The following OSBPL10 variants were observed in gnomAD, a reference collection of about 807,000 sequenced individuals.
OSBPL10 encodes oxysterol-binding protein-related protein 10.
A neutral mutation model predicts 81.7 loss-of-function variants in OSBPL10; 49 were observed. The observed-to-expected ratio is 0.60, with a 90% CI of 0.48 to 0.76. The LOEUF is 0.76. OSBPL10 is among the 30% of genes least tolerant of loss of function. The pLI, the probability that OSBPL10 is intolerant of heterozygous loss-of-function variation, is 0.00. For synonymous variants in OSBPL10, 419 were observed against 383.6 expected (o/e 1.09, Z -1.08); for missense variants, 923 against 987.8 (o/e 0.93, Z 0.88).
chr3:32,026,050 A>AGAT (rs879924375), intron 2 of OSBPL10, among the ~76,000 whole-genome samples: 1,863 of 115,544 alleles, frequency 0.016, 14 homozygotes, highest in East Asian at 0.036. Context: ...ATAGATAGAT[A>AGAT]GATAGATGAT....
rs1699718076 is a variant in OSBPL10, at chr3:31,812,723, AAAGAAAGAAAG to A, written c.729+17306_729+17316del. 3.0e-3 allele frequency among the ~76,000 whole-genome samples: 116 copies of A among 39,262 alleles called. 2 individuals are homozygous for A. Among genetic ancestry groups the A allele is most frequent in the South Asian group, 6.5e-3 (5 of 774 alleles). 25.8% of individuals were successfully genotyped at this position (39,262 alleles called of 152,430 possible). ...CTCTACACAGTAGGCAAAAAAAAAG[AAAGAAAGAAAG>A]AAAGAAAGAAAGAAAGAAAGAAAGA... On this transcript the variant is annotated intron_variant, in intron 4 of 11. Transcript: ENST00000396556.
intron 1 of OSBPL10, among the ~76,000 whole-genome samples, chr3:31,965,237 G>C (rs928834247): frequency 2.7e-5 from 4 of 150,566 alleles, no homozygotes; most frequent in South Asian, 2.1e-4. Context: ...GGGCGTGGTG[G>C]TGGGCACCTG....
intron 1 of OSBPL10, among the ~76,000 whole-genome samples, chr3:31,971,887 T>A (rs1287150525): frequency 6.6e-6 from 1 of 152,206 alleles, no homozygotes; most frequent in Non-Finnish European, 1.5e-5. Context: ...TACAGAAAAG[T>A]CTGCTCCCCT....
intron 1 of OSBPL10, among the ~76,000 whole-genome samples, chr3:31,926,353 C>CA (rs1697076751): frequency 1.4e-5 from 2 of 139,620 alleles, no homozygotes; most frequent in Admixed American, 7.7e-5. Flanking sequence ...GAGAAGATGC[C>CA]ATTACCATCT....
chr3:31,829,944 A>C, intron 4 of OSBPL10, 96 bp downstream of exon 4: 1 of 1,283,666 alleles, frequency 7.8e-7, no homozygotes, highest in Non-Finnish European at 1.1e-6. Flanking sequence ...TCTCTCCATA[A>C]ATCAAGACGG....
At chr3:32,021,033 G>A (rs1245314642) in intron 2 of OSBPL10, among the ~76,000 whole-genome samples, 4 of 152,164 alleles carry the variant, frequency 2.6e-5, no homozygotes, top group South Asian at 2.1e-4. Flanking sequence ...CTGTGTGTAC[G>A]TGCTTTCCTG....
chr3:31,833,029 T>C (rs941834521), intron 3 of OSBPL10, among the ~76,000 whole-genome samples: 1 of 152,140 alleles, frequency 6.6e-6, no homozygotes, highest in Admixed American at 6.5e-5. Context: ...ACATAATGAA[T>C]TGGAATGCAG....
intron 1 of OSBPL10, among the ~76,000 whole-genome samples, chr3:32,073,495 T>C (rs1226524393): frequency 1.3e-5 from 2 of 152,182 alleles, no homozygotes; most frequent in African/African-American, 4.8e-5. Context: ...CCTGATATCT[T>C]CTCTTCCTCC....
chr3:32,076,195 C>G (rs1175629224), intron 1 of OSBPL10, among the ~76,000 whole-genome samples: 1 of 152,082 alleles, frequency 6.6e-6, no homozygotes, highest in Non-Finnish European at 1.5e-5. Flanking sequence ...TGGTGAAACC[C>G]CGTCTCTACT....
At chr3:31,961,189 C>T (rs887368422) in intron 1 of OSBPL10, among the ~76,000 whole-genome samples, 1 of 151,432 alleles carries the variant, frequency 6.6e-6, no homozygotes, top group Non-Finnish European at 1.5e-5. Context: ...TTTGGCTCAA[C>T]AATCAAATAT....
chr3:31,686,287 T>G (rs1313729737), intron 7 of OSBPL10, among the ~76,000 whole-genome samples: 2 of 152,154 alleles, frequency 1.3e-5, no homozygotes, highest in African/African-American at 4.8e-5. Flanking sequence ...CTAATACAGA[T>G]GTCCAGAGAG....
chr3:31,973,534 A>T (rs370562229), intron 1 of OSBPL10, among the ~76,000 whole-genome samples: 87 of 152,318 alleles, frequency 5.7e-4, no homozygotes, highest in African/African-American at 1.9e-3. Context: ...CCAAGGCCCA[A>T]AGAGTTAAAT....
chr3:31,898,006 C>CAAAAAAAAA lies in OSBPL10; in HGVS notation c.282-18185_282-18177dup, dbSNP rs58479197. Among the ~76,000 whole-genome samples, 14 of 62,454 alleles carry CAAAAAAAAA rather than the reference C, an allele frequency of 2.2e-4. 1 individual carries two copies. The highest frequency in any genetic ancestry group is 5.6e-4 in the East Asian group (1 of 1,796). 41.0% of individuals were successfully genotyped at this position (62,454 alleles called of 152,430 possible). A position where few individuals can be genotyped will look rare whatever the true frequency, so the allele number is the denominator to read the frequency against. On this transcript the variant is annotated intron_variant, in intron 1 of 11. Transcript: ENST00000396556. The stretch of plus-strand genomic sequence containing the variant: ...TTGGGTGACACAGCGAGAACTCTGT[C>CAAAAAAAAA]AAAAAAAAAAAAAAAAAAAAAAAAA...
At chr3:31,858,887 A>C (rs1290069916) in intron 3 of OSBPL10, among the ~76,000 whole-genome samples, 1 of 152,230 alleles carries the variant, frequency 6.6e-6, no homozygotes, top group African/African-American at 2.4e-5. Flanking sequence ...CCACTCCTTC[A>C]TGATCATCTT....
intron 2 of OSBPL10, among the ~76,000 whole-genome samples, chr3:32,004,415 T>G (rs747630555): frequency 6.6e-6 from 1 of 152,246 alleles, no homozygotes; most frequent in Non-Finnish European, 1.5e-5. Flanking sequence ...TGTTGTCACC[T>G]GACTCCCTTG....
intron 1 of OSBPL10, among the ~76,000 whole-genome samples, chr3:31,938,062 T>G (rs1575046907): frequency 6.6e-6 from 1 of 152,158 alleles, no homozygotes; most frequent in Non-Finnish European, 1.5e-5. Flanking sequence ...ACTCTGACAG[T>G]ACCTGCCAAA....
chr3:31,917,863 ATACT>A (rs1696802517), intron 1 of OSBPL10, among the ~76,000 whole-genome samples: 1 of 151,694 alleles, frequency 6.6e-6, no homozygotes, highest in Admixed American at 6.6e-5. Flanking sequence ...AGAGAAACAG[ATACT>A]TAAAATGTGT....
At chr3:32,071,169 C>T (rs932958446) in intron 1 of OSBPL10, among the ~76,000 whole-genome samples, 11 of 152,196 alleles carry the variant, frequency 7.2e-5, no homozygotes, top group Non-Finnish European at 1.5e-4. Flanking sequence ...CTGTTACCTA[C>T]CTAAGTATAG....
chr3:31,908,672 A>G (rs1488523003), intron 1 of OSBPL10, among the ~76,000 whole-genome samples: 2 of 152,226 alleles, frequency 1.3e-5, no homozygotes, highest in Non-Finnish European at 2.9e-5. Context: ...CTATTACTTC[A>G]GGATGTTTGC....
Sources: allele counts gnomAD v4.1 joint callset (sites outside exome capture counted in the v4.1 genomes callset), GRCh38; gene constraint gnomAD v4.1.1; transcripts MANE v1.5; gene names NCBI Gene and HGNC (gene_info 2026-07-23, HGNC 2026-07-21).